Variants in STK4 observed in about 807,000 individuals in gnomAD.
The protein encoded by STK4 is serine/threonine-protein kinase 4.
Under a neutral mutation model 64.9 loss-of-function variants are expected in STK4, and 30 were observed. That is an observed-to-expected ratio of 0.46 (90% CI 0.35 to 0.63). The LOEUF (loss-of-function observed/expected upper bound fraction) is 0.63. Ranked by LOEUF, STK4 falls within the 20% of genes least tolerant of loss-of-function variation. The pLI is 0.01. For missense variants in STK4, 466 were observed against 598.5 expected (o/e 0.78, Z 2.31); for synonymous variants, 177 against 199.0 (o/e 0.89, Z 0.93).
Position 45,001,361 on chromosome 20 carries a change from T to A in STK4, c.1147+8T>A. 1 of 1,601,640 alleles carries A rather than the reference T, an allele frequency of 6.2e-7. No individual in the cohort carries two copies. The highest frequency in any genetic ancestry group is 8.5e-7 in the Non-Finnish European group (1 of 1,169,876). On this transcript the variant is annotated splice_region_variant and intron_variant, in intron 9 of 10. Coordinates refer to ENST00000372806, the MANE Select transcript of STK4 (RefSeq NM_006282.5). Reference sequence around the variant, plus strand: ...AGGAAGGAACTATGAAAAGTAAGGCTCTGAGTAAATTCACTGACTTCTTAG... The same window carrying A: ...AGGAAGGAACTATGAAAAGTAAGGCACTGAGTAAATTCACTGACTTCTTAG...
intron 10 of STK4, among the ~76,000 whole-genome samples, chr20:45,031,612 T>C (rs749574356): frequency 9.9e-5 from 15 of 151,922 alleles, no homozygotes; most frequent in Admixed American, 2.0e-4. Flanking sequence ...AATATTGATA[T>C]CAAATGAGGC....
At chr20:44,993,578 A>G (rs760395691) in intron 5 of STK4, among the ~76,000 whole-genome samples, 2 of 152,244 alleles carry the variant, frequency 1.3e-5, no homozygotes, top group Non-Finnish European at 2.9e-5. Context: ...ATTGATTTAA[A>G]TGACCTGTCA....
intron 4 of STK4, among the ~76,000 whole-genome samples, chr20:44,984,226 G>C (rs1455596084): frequency 1.0e-5 from 1 of 100,474 alleles, no homozygotes; most frequent in Admixed American, 1.7e-4. Context: ...GAGTCTCCTT[G>C]CTCTGTTGCC....
chr20:45,022,980 T>C (rs376830165), intron 9 of STK4, among the ~76,000 whole-genome samples: 2 of 152,222 alleles, frequency 1.3e-5, no homozygotes, highest in South Asian at 2.1e-4. Flanking sequence ...AGTGTGTATT[T>C]CCTAAGAAAG....
Position 45,075,020 on chromosome 20 carries a change from TAA to T in STK4, c.1309_1310del (p.Lys437GlufsTer23). On this transcript the variant is annotated frameshift_variant, in exon 11 of 11. Coordinates refer to ENST00000372806, the MANE Select transcript of STK4 (RefSeq NM_006282.5). LOFTEE classifies it high-confidence loss of function. Reference sequence around the variant, plus strand: ...TATACCTTCCACTTCTCTTCTAGCTTAAGAGTTGGACAGTGGAGGACCTTCAG... The same window carrying T: ...TATACCTTCCACTTCTCTTCTAGCTTGAGTTGGACAGTGGAGGACCTTCAG... ...IPQDGDYEFLKSWTVEDLQKR... is the reference protein window; with the variant it reads ...IPQDGDYEFLXSWTVEDLQKR... The T allele has an allele frequency of 6.2e-7, 1 of 1,614,120 alleles. No homozygotes were observed. Among genetic ancestry groups the T allele is most frequent in the Non-Finnish European group, 8.5e-7 (1 of 1,180,004 alleles).
At chr20:45,033,768 TG>T (rs1450346666) in intron 10 of STK4, among the ~76,000 whole-genome samples, 1 of 152,028 alleles carries the variant, frequency 6.6e-6, no homozygotes, top group Non-Finnish European at 1.5e-5. Context: ...TTAGTAGAGA[TG>T]GGGTTTCACC....
chr20:45,013,666 A>G (rs887028974), intron 9 of STK4, among the ~76,000 whole-genome samples: 1 of 152,036 alleles, frequency 6.6e-6, no homozygotes, highest in Non-Finnish European at 1.5e-5. Flanking sequence ...CATGTTATTA[A>G]TTTTCATTAA....
intron 10 of STK4, among the ~76,000 whole-genome samples, chr20:45,074,067 C>A (rs890806487): frequency 6.6e-6 from 1 of 152,192 alleles, no homozygotes; most frequent in African/African-American, 2.4e-5. Context: ...TTCTGTTCTG[C>A]AACACTGGTT....
chr20:45,060,884 T>C (rs1978934958), intron 10 of STK4, among the ~76,000 whole-genome samples: 1 of 152,230 alleles, frequency 6.6e-6, no homozygotes, highest in Admixed American at 6.5e-5. Context: ...CATATACTTT[T>C]TTTGTCCCAT....
intron 9 of STK4, among the ~76,000 whole-genome samples, chr20:45,024,207 A>T (rs550281848): frequency 6.6e-6 from 1 of 151,940 alleles, no homozygotes; most frequent in Non-Finnish European, 1.5e-5. Flanking sequence ...ACCCAGTACT[A>T]ACTTATTTAA....
intron 2 of STK4, chr20:44,973,248 T>C (rs570650755): frequency 1.3e-5 from 2 of 152,358 alleles, no homozygotes; most frequent in African/African-American, 4.8e-5. Flanking sequence ...ATGAAATGGT[T>C]TTTTTATGAT....
At chr20:45,012,774 AT>A (rs1222986184) in intron 9 of STK4, among the ~76,000 whole-genome samples, 7 of 147,168 alleles carry the variant, frequency 4.8e-5, no homozygotes, top group Middle Eastern at 3.6e-3. Context: ...TGATCTTTAT[AT>A]ATAATCTTCT....
At chr20:44,996,505 A>C (rs2067733462) in intron 6 of STK4, among the ~76,000 whole-genome samples, 1 of 152,188 alleles carries the variant, frequency 6.6e-6, no homozygotes, top group African/African-American at 2.4e-5. Context: ...GAGATTTACT[A>C]GTTACAATTT....
At position 44,981,831 on chromosome 20, in the gene STK4, C is replaced by T. The variant is rs756803470; in HGVS notation, c.248C>T (p.Pro83Leu). Residue 83 changes from proline (P) to leucine (L), a missense_variant and splice_region_variant, in exon 4 of 11, where the codon CCT becomes CTT. By Grantham distance (98) the Pro-to-Leu change is moderately conservative (BLOSUM62 -3). This residue lies in a region of STK4 where 190 missense variants were observed against 289.7 expected (regional missense o/e 0.66). Transcript: ENST00000372806. ...EISIMQQCDS[P>L]HVVKYYGSYF... ...TTGTATTGTCTCTCTCTCTCTAGCC[C>T]TCATGTAGTCAAATATTATGGCAGT... 1.9e-6 allele frequency: 3 copies of T among 1,594,674 alleles called. No homozygotes were observed. Among genetic ancestry groups the T allele is most frequent in the East Asian group, 2.2e-5 (1 of 44,694 alleles).
chr20:45,047,839 T>C (rs1256158932), intron 10 of STK4, among the ~76,000 whole-genome samples: 1 of 152,208 alleles, frequency 6.6e-6, no homozygotes. Context: ...GAATCAGGTC[T>C]CAGCTCTGAC....
chr20:45,058,048 G>A (rs1978643431), intron 10 of STK4, among the ~76,000 whole-genome samples: 2 of 108,586 alleles, frequency 1.8e-5, no homozygotes, highest in Admixed American at 2.0e-4. Context: ...TTAGCAGTTT[G>A]AAGGTCACAC....
chr20:45,032,643 T>TACC (rs1365422628), intron 10 of STK4, among the ~76,000 whole-genome samples: 1 of 152,234 alleles, frequency 6.6e-6, no homozygotes, highest in East Asian at 1.9e-4. Flanking sequence ...TGTCAACATG[T>TACC]ACCACATTTT....
At position 45,048,645 on chromosome 20, in the gene STK4, C is replaced by A. The variant is rs145786648; in HGVS notation, c.1305+23515C>A. 2.5e-3 allele frequency among the ~76,000 whole-genome samples: 387 copies of A among 152,162 alleles called. 2 individuals are homozygous for A. The highest frequency in any genetic ancestry group is 8.8e-3 in the African/African-American group (365 of 41,506). ...CTCAGCCTCCCGCCACCATGCCCGGCTAATTTTTGTATTTTTAGTAGAGAC... is the reference window on the plus strand; with the variant it reads ...CTCAGCCTCCCGCCACCATGCCCGGATAATTTTTGTATTTTTAGTAGAGAC... On this transcript the variant is annotated intron_variant, in intron 10 of 10. Coordinates refer to ENST00000372806, the MANE Select transcript of STK4 (RefSeq NM_006282.5).
intron 9 of STK4, 66 bp from the exon 10 acceptor site, chr20:45,024,907 C>G (rs1299760611): frequency 2.1e-6 from 3 of 1,411,410 alleles, no homozygotes; most frequent in African/African-American, 2.9e-5. Flanking sequence ...GGAGATATGT[C>G]TATTTATTAA....
Sources: gnomAD v4.1 joint callset for allele counts (sites outside exome capture counted in the v4.1 genomes callset) on GRCh38, gnomAD v4.1.1 for gene constraint, gnomAD v4.1.1 regional missense constraint, MANE v1.5 for transcripts, NCBI Gene and HGNC (gene_info 2026-07-23, HGNC 2026-07-21) for gene names.